The following DDX19A variants were observed in gnomAD, a reference collection of about 807,000 sequenced individuals.
DDX19A encodes the protein ATP-dependent RNA helicase DDX19A.
A neutral mutation model predicts 60.6 loss-of-function variants in DDX19A; 12 were observed. That is an observed-to-expected ratio of 0.20 (90% CI 0.13 to 0.32). DDX19A has a LOEUF of 0.32. DDX19A is among the 10% of genes least tolerant of loss of function. DDX19A has a pLI of 1.00. For missense variants in DDX19A, 337 were observed against 600.6 expected (o/e 0.56, Z 4.59); for synonymous variants, 206 against 218.2 (o/e 0.94, Z 0.49).
chr16:70,361,565 A>C, intron 5 of DDX19A, 55 bp downstream of exon 5: 1 of 1,467,994 alleles, frequency 6.8e-7, no homozygotes, highest in Non-Finnish European at 9.4e-7. Flanking sequence ...AATCTTCCCC[A>C]AACTGCGTTT....
chr16:70,361,280 T>C, intron 4 of DDX19A, 138 bp from the exon 5 acceptor site: 1 of 699,794 alleles, frequency 1.4e-6, no homozygotes, highest in Non-Finnish European at 2.4e-6. Context: ...TTTTTGACAG[T>C]GTTTTTTTAA....
chr16:70,355,167 A>G (rs995069682), intron 2 of DDX19A, among the ~76,000 whole-genome samples: 16 of 152,168 alleles, frequency 1.1e-4, no homozygotes, highest in Non-Finnish European at 2.1e-4. Context: ...GATCGAGGTC[A>G]GGAGTTCAAG....
intron 2 of DDX19A, among the ~76,000 whole-genome samples, chr16:70,353,273 G>A (rs1964082200): frequency 6.6e-6 from 1 of 151,702 alleles, no homozygotes. Context: ...TGCCTTGCAT[G>A]CCCAGCTAAT....
chr16:70,372,162 GC>G lies in DDX19A; in HGVS notation c.*177del. ...CAAAAATAGGTGCAAATGATGGGGGGCAATAGAAGAAAAAATTTGCATTTTG... is the reference window on the plus strand; with the variant it reads ...CAAAAATAGGTGCAAATGATGGGGGGAATAGAAGAAAAAATTTGCATTTTG... On this transcript the variant is annotated 3_prime_UTR_variant, in exon 12 of 12. Coordinates refer to ENST00000302243, the MANE Select transcript of DDX19A (RefSeq NM_018332.5). The G allele has an allele frequency of 1.9e-6, 2 of 1,080,232 alleles. No homozygotes were observed. Among genetic ancestry groups the G allele is most frequent in the Non-Finnish European group, 2.7e-6 (2 of 748,246 alleles). The allele number at this position is 1,080,232 out of a possible 1,614,324, so 66.9% of individuals were successfully genotyped here. A position where few individuals can be genotyped will look rare whatever the true frequency, so the allele number is the denominator to read the frequency against.
chr16:70,353,372 G>C (rs1391917995), intron 2 of DDX19A, among the ~76,000 whole-genome samples: 2 of 151,232 alleles, frequency 1.3e-5, no homozygotes, highest in South Asian at 4.2e-4. Flanking sequence ...GCTTGGCCTC[G>C]CAAAGTGCTA....
intron 1 of DDX19A, 79 bp downstream of exon 1, chr16:70,347,127 G>A: frequency 1.4e-6 from 2 of 1,421,804 alleles, no homozygotes; most frequent in South Asian, 1.2e-5. Flanking sequence ...GAGCTCCCCG[G>A]GTTGGGGAGG....
chr16:70,356,609 C>T (rs367756209), intron 4 of DDX19A, among the ~76,000 whole-genome samples: 45 of 151,954 alleles, frequency 3.0e-4, no homozygotes, highest in African/African-American at 9.9e-4. Flanking sequence ...CTGCCTGCCT[C>T]GGCCTCTCAA....
chr16:70,368,658 T>C (rs547792697), intron 9 of DDX19A, among the ~76,000 whole-genome samples: 121 of 151,718 alleles, frequency 8.0e-4, no homozygotes, highest in African/African-American at 2.9e-3. Flanking sequence ...GCAATTCTCC[T>C]ACCTCAACCT....
chr16:70,361,554 C>A (rs1964364124), intron 5 of DDX19A, 44 bp downstream of exon 5: 3 of 1,505,106 alleles, frequency 2.0e-6, no homozygotes, highest in Non-Finnish European at 2.7e-6. Context: ...GTGATTAGAT[C>A]AATCTTCCCC....
chr16:70,371,814 G>A lies in DDX19A; in HGVS notation c.1376-111G>A. 4 of 1,497,370 alleles carry A rather than the reference G, an allele frequency of 2.7e-6. No homozygotes were observed. In the South Asian group the frequency reaches 4.7e-5, roughly 17 times the overall value. 92.8% of individuals were successfully genotyped at this position (1,497,370 alleles called of 1,614,324 possible). The stretch of plus-strand genomic sequence containing the variant: ...GTTGCTGTCAGTGACTAGGGGCCCT[G>A]CTGCCCCCTGCTTAGGCACCCGGAG... On this transcript the variant is annotated intron_variant, in intron 11 of 11. Transcript: ENST00000302243.
At chr16:70,370,195 C>G (rs1964639911) in intron 9 of DDX19A, 28 bp from the exon 10 acceptor site, 1 of 1,602,768 alleles carries the variant, frequency 6.2e-7, no homozygotes, top group Non-Finnish European at 8.5e-7. Context: ...CAAATACTTT[C>G]ATTTCTCAAT....
At chr16:70,356,837 T>C (rs1014935778) in intron 4 of DDX19A, 23 of 1,229,342 alleles carry the variant, frequency 1.9e-5, no homozygotes, top group Admixed American at 6.2e-5. Context: ...ATTTCTCTTA[T>C]ACTCTTAGAA....
At chr16:70,357,373 T>TTTTTTTTTTTTTTTTTG (rs1964242161) in intron 4 of DDX19A, among the ~76,000 whole-genome samples, 1 of 39,178 alleles carries the variant, frequency 2.6e-5, no homozygotes. Context: ...TTTGTTTTTT[T>TTTTTTTTTTTTTTTTTG]TTTTTTTTTT....
chr16:70,356,298 T>G, intron 4 of DDX19A, 51 bp downstream of exon 4: 1 of 1,603,278 alleles, frequency 6.2e-7, no homozygotes, highest in South Asian at 1.1e-5. Flanking sequence ...TCTCCCCACA[T>G]AAAACTTAGC....
At chr16:70,365,182 G>A (rs375119969) in intron 7 of DDX19A, 51 bp downstream of exon 7, 20 of 1,336,882 alleles carry the variant, frequency 1.5e-5, no homozygotes, top group African/African-American at 4.4e-5. Context: ...GGGGTTGGGC[G>A]TTTGAATTTT....
intron 1 of DDX19A, chr16:70,347,756 T>C: frequency 4.7e-6 from 1 of 213,624 alleles, no homozygotes; most frequent in South Asian, 4.6e-5. Flanking sequence ...AATGGCGCCA[T>C]CTCGGCTCAC....
At chr16:70,369,173 GT>G (rs560443179) in intron 9 of DDX19A, among the ~76,000 whole-genome samples, 3,105 of 96,352 alleles carry the variant, frequency 0.032, 80 homozygotes, top group African/African-American at 0.13. Context: ...GGCCAATCTG[GT>G]TTTTTTTTTT....
chr16:70,361,238 G>C (rs904363450), intron 4 of DDX19A, among the ~76,000 whole-genome samples, 180 bp from the exon 5 acceptor site: 1 of 152,202 alleles, frequency 6.6e-6, no homozygotes, highest in Admixed American at 6.6e-5. Context: ...ATTCCTTAGG[G>C]AAGGGCGGTA....
chr16:70,372,750 C>T lies in DDX19A; in HGVS notation c.*764C>T, dbSNP rs2047296249. 6.6e-6 allele frequency: 1 copy of T among 152,352 alleles called. No individual in the cohort carries two copies. Among genetic ancestry groups the T allele is most frequent in the Admixed American group, 6.5e-5 (1 of 15,274 alleles). The allele number at this position is 152,352 out of a possible 1,614,324, so 9.4% of individuals were successfully genotyped here. On this transcript the variant is annotated 3_prime_UTR_variant, in exon 12 of 12. Coordinates refer to ENST00000302243, the MANE Select transcript of DDX19A (RefSeq NM_018332.5). ...GCTCCCTCTGCCTAGGCCCCTGGTA[C>T]TCAGTCACGGCAGCCAGGAGACCCC...
Sources: gnomAD v4.1 joint callset for allele counts (sites outside exome capture counted in the v4.1 genomes callset) on GRCh38, gnomAD v4.1.1 for gene constraint, MANE v1.5 for transcripts, NCBI Gene and HGNC (gene_info 2026-07-23, HGNC 2026-07-21) for gene names.